The following RYR2 variants were observed in gnomAD, a reference collection of about 807,000 sequenced individuals.
The protein encoded by RYR2 is ryanodine receptor 2, also known as cardiac muscle ryanodine receptor-calcium release channel.
In RYR2, 227 loss-of-function variants were observed where a neutral mutation model predicts 601.1. That is an observed-to-expected ratio of 0.38 (90% CI 0.34 to 0.42). The LOEUF (loss-of-function observed/expected upper bound fraction) is 0.42, where lower values mean the gene tolerates loss of function less well. Ranked by LOEUF, RYR2 falls within the 10% of genes least tolerant of loss-of-function variation. The pLI, the probability that RYR2 is intolerant of heterozygous loss-of-function variation, is 1.00. For missense variants in RYR2, 4,646 were observed against 6,156.5 expected, an observed-to-expected ratio of 0.75 and a Z score of 8.21; for synonymous variants, 2,223 against 2,175.1, an observed-to-expected ratio of 1.02 and a Z score of -0.61.
intron 23 of RYR2, among the ~76,000 whole-genome samples, chr1:237,511,296 C>CA (rs764004466): frequency 0.033 from 2,907 of 88,150 alleles, 52 homozygotes; most frequent in East Asian, 0.077. Context: ...GTGTATGGAC[C>CA]AAAAAAAAAA....
intron 84 of RYR2, among the ~76,000 whole-genome samples, chr1:237,768,229 TAATA>T (rs1285812038): frequency 1.3e-5 from 2 of 152,198 alleles, no homozygotes; most frequent in Non-Finnish European, 2.9e-5. Context: ...TAAACACAAT[TAATA>T]AATTCAAATC....
At chr1:237,059,262 TTAA>T (rs1662557327) in intron 1 of RYR2, among the ~76,000 whole-genome samples, 1 of 151,958 alleles carries the variant, frequency 6.6e-6, no homozygotes, top group South Asian at 2.1e-4. Context: ...AATCTCGGGG[TTAA>T]TAATGATGAT....
intron 84 of RYR2, among the ~76,000 whole-genome samples, chr1:237,765,900 G>A (rs1474447835): frequency 6.6e-6 from 1 of 152,170 alleles, no homozygotes; most frequent in Non-Finnish European, 1.5e-5. Flanking sequence ...AGACAGACTT[G>A]TAAACAAATA....
chr1:237,320,047 A>G (rs75333895), intron 2 of RYR2, among the ~76,000 whole-genome samples: 4,339 of 152,340 alleles, frequency 0.028, 97 homozygotes, highest in Non-Finnish European at 0.046. Context: ...GGAGTAGCCC[A>G]GGAAAGAACA....
At chr1:237,633,488 G>A (rs973044254) in intron 42 of RYR2, 90 bp from the exon 43 acceptor site, 74 of 1,487,838 alleles carry the variant, frequency 5.0e-5, no homozygotes, top group Admixed American at 3.6e-4. Flanking sequence ...GACACACGGG[G>A]ATTGACGATG....
intron 1 of RYR2, among the ~76,000 whole-genome samples, chr1:237,253,187 A>T (rs1234008192): frequency 2.0e-5 from 3 of 150,184 alleles, no homozygotes; most frequent in African/African-American, 7.3e-5. Context: ...AAAAACAACA[A>T]CAAAAAGTGA....
chr1:237,202,509 T>C (rs931262861), intron 1 of RYR2, among the ~76,000 whole-genome samples: 3 of 152,274 alleles, frequency 2.0e-5, no homozygotes, highest in Admixed American at 6.5e-5. Context: ...CTGGCTTCAA[T>C]TGAGTCTCCT....
intron 1 of RYR2, 97 bp downstream of exon 1, chr1:237,042,666 G>A (rs1296132061): frequency 2.6e-6 from 3 of 1,168,208 alleles, no homozygotes; most frequent in Non-Finnish European, 3.3e-6. Flanking sequence ...GCGGGGACTC[G>A]CGGGCGGGGC....
rs188417042 is a variant in RYR2 at position 237,421,304 on chromosome 1, T to A, written c.849-1788T>A. Among the ~76,000 whole-genome samples, 61 of 152,308 alleles carry A rather than the reference T, an allele frequency of 4.0e-4. 1 individual carries two copies. The East Asian group carries it at 5.6e-3, about 14-fold the overall frequency. Reference sequence around the variant, plus strand: ...TGGTTTTCATAGTATTTGCAAACAATACACTTAATTTTATAAGAGGAGGAT... The same window carrying A: ...TGGTTTTCATAGTATTTGCAAACAAAACACTTAATTTTATAAGAGGAGGAT... On this transcript the variant is annotated intron_variant, in intron 11 of 104. Coordinates refer to ENST00000366574, the MANE Select transcript of RYR2 (RefSeq NM_001035.3).
intron 104 of RYR2, among the ~76,000 whole-genome samples, chr1:237,831,975 TTAG>T (rs1038177147): frequency 2.6e-5 from 4 of 152,186 alleles, no homozygotes; most frequent in African/African-American, 7.2e-5. Context: ...GTGCAGATTG[TTAG>T]TAGTTTGAAT....
intron 10 of RYR2, among the ~76,000 whole-genome samples, chr1:237,413,723 C>T (rs1704664677): frequency 6.6e-6 from 1 of 152,000 alleles, no homozygotes; most frequent in African/African-American, 2.4e-5. Context: ...AGAAAATGTA[C>T]ATAATTTACA....
intron 1 of RYR2, among the ~76,000 whole-genome samples, chr1:237,164,021 T>C (rs186928176): frequency 1.1e-3 from 171 of 152,278 alleles, no homozygotes; most frequent in African/African-American, 4.0e-3. Flanking sequence ...TGCAGTGGCT[T>C]ACACCTGTAA....
chr1:237,581,224 GCTGTGGATA>G (rs1252460826), intron 29 of RYR2, among the ~76,000 whole-genome samples: 2 of 152,190 alleles, frequency 1.3e-5, no homozygotes, highest in Non-Finnish European at 2.9e-5. Flanking sequence ...TACAGTGTCT[GCTGTGGATA>G]CGTATCTTGT....
chr1:237,709,979 A>G (rs761709607), intron 70 of RYR2, among the ~76,000 whole-genome samples: 2 of 152,176 alleles, frequency 1.3e-5, no homozygotes, highest in Admixed American at 6.5e-5. Context: ...TTATCTTCAC[A>G]CACTTTACAC....
chr1:237,608,084 A>T (rs1331612363), intron 35 of RYR2, among the ~76,000 whole-genome samples: 1 of 152,204 alleles, frequency 6.6e-6, no homozygotes, highest in East Asian at 1.9e-4. Context: ...ATCATCAAGA[A>T]ATCAGTTGTA....
chr1:237,396,142 T>A (rs1277583317), intron 10 of RYR2, among the ~76,000 whole-genome samples: 4 of 152,222 alleles, frequency 2.6e-5, no homozygotes, highest in African/African-American at 4.8e-5. Flanking sequence ...CCCATTTATA[T>A]AATTTTGACA....
At chr1:237,370,358 T>A (rs1700539514) in intron 6 of RYR2, among the ~76,000 whole-genome samples, 1 of 152,002 alleles carries the variant, frequency 6.6e-6, no homozygotes, top group African/African-American at 2.4e-5. Context: ...CAACACATAT[T>A]TTTTGTATGT....
intron 2 of RYR2, among the ~76,000 whole-genome samples, chr1:237,276,566 A>G (rs1421329866): frequency 1.3e-5 from 2 of 152,238 alleles, no homozygotes; most frequent in Non-Finnish European, 2.9e-5. Flanking sequence ...GAAAAAAATC[A>G]TCAACATAGA....
chr1:237,805,007 A>T lies in RYR2; in HGVS notation c.14152-1130A>T, dbSNP rs913452665. 2.0e-5 allele frequency among the ~76,000 whole-genome samples: 3 copies of T among 152,224 alleles called. No homozygotes were observed. In the South Asian group the frequency reaches 6.2e-4, roughly 32 times the overall value. ...TCAGGGGAGAGGTGGGGTCGGTGCT[A>T]TTGGCATCTAGTTGATGCTGCTTGC... On this transcript the variant is annotated intron_variant, in intron 98 of 104. Transcript: ENST00000366574.
Sources: gnomAD v4.1 joint callset for allele counts (sites outside exome capture counted in the v4.1 genomes callset) on GRCh38, gnomAD v4.1.1 for gene constraint, MANE v1.5 for transcripts, NCBI Gene and HGNC (gene_info 2026-07-23, HGNC 2026-07-21) for gene names.